The following SCTR variants were observed in gnomAD, a reference collection of about 807,000 sequenced individuals.
SCTR encodes the protein pancreatic secretin receptor.
Under a neutral mutation model 60.8 loss-of-function variants are expected in SCTR, and 56 were observed. That is an observed-to-expected ratio of 0.92 (90% CI 0.74 to 1.15). The LOEUF is 1.15. SCTR is among the 50% of genes most tolerant of loss of function. The pLI is 0.00. For synonymous variants in SCTR, 202 were observed against 217.0 expected (o/e 0.93, Z 0.61); for missense variants, 562 against 550.4 (o/e 1.02, Z -0.21).
intron 2 of SCTR, among the ~76,000 whole-genome samples, chr2:119,483,532 C>T (rs1051858729): frequency 4.6e-5 from 7 of 152,198 alleles, no homozygotes; most frequent in African/African-American, 1.4e-4. Context: ...GCTCCAGCGT[C>T]TGGGCACAGA....
intron 4 of SCTR, among the ~76,000 whole-genome samples, chr2:119,467,578 A>C (rs982237018): frequency 3.3e-5 from 5 of 152,236 alleles, no homozygotes; most frequent in African/African-American, 1.2e-4. Context: ...ATATGTATCA[A>C]GAACCTTTGA....
intron 3 of SCTR, chr2:119,476,920 G>A (rs1558859874): frequency 6.6e-6 from 1 of 152,230 alleles, no homozygotes. Context: ...CAGGACCCCA[G>A]AGGCAAGCAT....
At chr2:119,457,115 A>G (rs1481471534) in intron 7 of SCTR, among the ~76,000 whole-genome samples, 4 of 152,236 alleles carry the variant, frequency 2.6e-5, no homozygotes, top group African/African-American at 9.6e-5. Context: ...ATACAGCAGG[A>G]AACAAACAAA....
intron 2 of SCTR, among the ~76,000 whole-genome samples, chr2:119,488,857 T>C (rs568607027): frequency 6.6e-6 from 1 of 152,074 alleles, no homozygotes; most frequent in South Asian, 2.1e-4. Context: ...CATTGAGGAG[T>C]GGGGAGAATC....
rs1259879675 is a variant in SCTR at position 119,465,842 on chromosome 2, G to A, written c.450C>T (p.Tyr150=). 6.2e-7 allele frequency: 1 copy of A among 1,614,078 alleles called. No homozygotes were observed. ...LKLKVMYTVG[Y]SSSLVMLLVA... Reference sequence around the variant, plus strand: ...CCAGGAGCATGACCAGGGAGGAGCTGTAGCCCACGGTGTACATGACTTTCA... The same window carrying A: ...CCAGGAGCATGACCAGGGAGGAGCTATAGCCCACGGTGTACATGACTTTCA... Residue 150 remains tyrosine (Y), a synonymous_variant, in exon 5 of 13, where the codon TAC becomes TAT. Coordinates refer to ENST00000019103, the MANE Select transcript of SCTR (RefSeq NM_002980.3).
At chr2:119,467,868 C>A (rs1202505671) in intron 4 of SCTR, among the ~76,000 whole-genome samples, 2 of 152,110 alleles carry the variant, frequency 1.3e-5, no homozygotes, top group Non-Finnish European at 2.9e-5. Flanking sequence ...TTTACATGTG[C>A]AATGTGATTC....
At chr2:119,519,528 G>T (rs1679220247) in intron 1 of SCTR, among the ~76,000 whole-genome samples, 1 of 152,074 alleles carries the variant, frequency 6.6e-6, no homozygotes, top group East Asian at 1.9e-4. Flanking sequence ...TGGTTAAGAA[G>T]CTCTGCGGTG....
At chr2:119,520,243 A>G (rs1013145315) in intron 1 of SCTR, among the ~76,000 whole-genome samples, 14 of 152,160 alleles carry the variant, frequency 9.2e-5, no homozygotes, top group Non-Finnish European at 1.9e-4. Context: ...GCTCATACCC[A>G]TAATCCCAAC....
At chr2:119,490,182 G>A (rs779085791) in intron 2 of SCTR, among the ~76,000 whole-genome samples, 5 of 152,214 alleles carry the variant, frequency 3.3e-5, no homozygotes, top group South Asian at 2.1e-4. Context: ...AAGTGCAGTC[G>A]GAGCCAGAGG....
chr2:119,504,671 C>T (rs986791426), intron 1 of SCTR, among the ~76,000 whole-genome samples: 17 of 151,976 alleles, frequency 1.1e-4, no homozygotes, highest in African/African-American at 3.9e-4. Context: ...GCATAGAGTT[C>T]TTATGCTTGG....
intron 5 of SCTR, among the ~76,000 whole-genome samples, chr2:119,465,558 T>A (rs1476568584): frequency 6.6e-6 from 1 of 152,086 alleles, no homozygotes; most frequent in Non-Finnish European, 1.5e-5. Context: ...TTAGAATACA[T>A]ATAAAGCGAC....
intron 5 of SCTR, 69 bp downstream of exon 5, chr2:119,465,720 G>A: frequency 9.4e-7 from 1 of 1,060,648 alleles, no homozygotes; most frequent in Non-Finnish European, 1.5e-6. Flanking sequence ...GTCCTGGGTG[G>A]TTGAGAAGAG....
At chr2:119,517,982 G>A (rs1278273019) in intron 1 of SCTR, among the ~76,000 whole-genome samples, 1 of 152,146 alleles carries the variant, frequency 6.6e-6, no homozygotes, top group East Asian at 1.9e-4. Context: ...TATAGGATTA[G>A]TGTCCTTACA....
chr2:119,460,082 G>A (rs1683541515), intron 7 of SCTR, among the ~76,000 whole-genome samples: 1 of 151,304 alleles, frequency 6.6e-6, no homozygotes, highest in African/African-American at 2.4e-5. Flanking sequence ...GAAGCAGGAG[G>A]GCTCAGCAAG....
chr2:119,455,818 A>C (rs898574528), intron 7 of SCTR, among the ~76,000 whole-genome samples: 1 of 152,214 alleles, frequency 6.6e-6, no homozygotes, highest in African/African-American at 2.4e-5. Context: ...ATAATGTAAG[A>C]ACATTTTCAA....
intron 7 of SCTR, among the ~76,000 whole-genome samples, chr2:119,457,624 G>T (rs1293175224): frequency 6.6e-6 from 1 of 152,142 alleles, no homozygotes. Flanking sequence ...GAGCCAGGAG[G>T]ATCGCTTGAG....
intron 5 of SCTR, among the ~76,000 whole-genome samples, 199 bp from the exon 6 acceptor site, chr2:119,464,454 G>GAA (rs11323674): frequency 7.1e-5 from 9 of 126,802 alleles, no homozygotes; most frequent in Non-Finnish European, 1.2e-4. Flanking sequence ...GCTGCAGTGA[G>GAA]AAAAAAAAAA....
intron 2 of SCTR, among the ~76,000 whole-genome samples, chr2:119,482,209 C>T (rs1377552855): frequency 2.0e-5 from 3 of 152,056 alleles, no homozygotes; most frequent in East Asian, 1.9e-4. Context: ...GGGTAGGGAA[C>T]GGTAGGGTGG....
At chr2:119,504,302 A>C (rs1005908823) in intron 1 of SCTR, among the ~76,000 whole-genome samples, 14 of 152,224 alleles carry the variant, frequency 9.2e-5, no homozygotes, top group African/African-American at 3.4e-4. Flanking sequence ...TTTATTTAAA[A>C]GCATAGGAGC....
Sources: allele counts gnomAD v4.1 joint callset (sites outside exome capture counted in the v4.1 genomes callset), GRCh38; gene constraint gnomAD v4.1.1; transcripts MANE v1.5; gene names NCBI Gene and HGNC (gene_info 2026-07-23, HGNC 2026-07-21).